Variants in SPAG16 observed in about 807,000 individuals in gnomAD.
SPAG16 encodes sperm-associated antigen 16 protein.
SPAG16 carries 86 observed loss-of-function variants against 80.4 expected under a neutral mutation model. The ratio of observed to expected loss-of-function variants is 1.07; its 90% CI spans 0.90 to 1.28. The LOEUF (loss-of-function observed/expected upper bound fraction) is 1.28, where lower values mean the gene tolerates loss of function less well. SPAG16 is among the 50% of genes most tolerant of loss of function. The pLI is 0.00. For missense variants in SPAG16, 870 were observed against 765.3 expected (o/e 1.14, Z -1.61); for synonymous variants, 294 against 265.9 (o/e 1.11, Z -1.03).
intron 13 of SPAG16, among the ~76,000 whole-genome samples, chr2:214,096,166 T>C (rs2052574517): frequency 6.6e-6 from 1 of 152,068 alleles, no homozygotes; most frequent in Non-Finnish European, 1.5e-5. Flanking sequence ...AATATTTATT[T>C]GTATTGGTAT....
chr2:213,949,169 GTTTTTT>G (rs767648099), intron 12 of SPAG16, among the ~76,000 whole-genome samples: 5 of 56,740 alleles, frequency 8.8e-5, no homozygotes, highest in Admixed American at 2.7e-4. Context: ...AATTACAACA[GTTTTTT>G]TTTTTTTTTT....
intron 12 of SPAG16, among the ~76,000 whole-genome samples, chr2:213,987,905 A>G (rs2046094097): frequency 6.7e-6 from 1 of 149,252 alleles, no homozygotes; most frequent in Non-Finnish European, 1.5e-5. Context: ...TATAAATGTT[A>G]TATATTTATA....
At chr2:213,606,228 T>G (rs1379547335) in intron 10 of SPAG16, among the ~76,000 whole-genome samples, 2 of 152,226 alleles carry the variant, frequency 1.3e-5, no homozygotes, top group African/African-American at 4.8e-5. Flanking sequence ...CTTCCTAATG[T>G]TTGCTTTTTA....
chr2:213,353,610 C>A (rs2065458048), intron 7 of SPAG16, among the ~76,000 whole-genome samples: 4 of 152,190 alleles, frequency 2.6e-5, no homozygotes, highest in Admixed American at 2.0e-4. Context: ...TCATTTCCAA[C>A]TGGCCCCACT....
intron 13 of SPAG16, among the ~76,000 whole-genome samples, chr2:214,095,546 G>A (rs71428324): frequency 0.087 from 13,205 of 152,004 alleles, 736 homozygotes; most frequent in East Asian, 0.28. Context: ...GCGAAGGAAA[G>A]CCACCTATTA....
intron 11 of SPAG16, among the ~76,000 whole-genome samples, chr2:213,884,008 C>T (rs991530258): frequency 3.3e-5 from 5 of 152,192 alleles, no homozygotes; most frequent in African/African-American, 7.2e-5. Context: ...CATTTACATT[C>T]GGGATTAGTA....
At chr2:213,343,116 A>G (rs1249658088) in intron 6 of SPAG16, among the ~76,000 whole-genome samples, 2 of 152,140 alleles carry the variant, frequency 1.3e-5, no homozygotes, top group Non-Finnish European at 1.5e-5. Flanking sequence ...GGATGAGAGA[A>G]CATGAAGCCT....
chr2:213,719,089 T>G (rs1198070351), intron 10 of SPAG16, among the ~76,000 whole-genome samples: 5 of 151,896 alleles, frequency 3.3e-5, no homozygotes, highest in Admixed American at 2.0e-4. Context: ...GGTGAGGACG[T>G]GGAGAACCTT....
intron 5 of SPAG16, among the ~76,000 whole-genome samples, chr2:213,325,002 A>T (rs560194532): frequency 2.2e-4 from 34 of 151,898 alleles, no homozygotes; most frequent in Non-Finnish European, 4.3e-4. Flanking sequence ...ATTAAACATA[A>T]TTTTTTTTGC....
chr2:213,313,706 A>C lies in SPAG16; in HGVS notation c.399-3513A>C, dbSNP rs139259803. On this transcript the variant is annotated intron_variant, in intron 4 of 15. Coordinates refer to ENST00000331683, the MANE Select transcript of SPAG16 (RefSeq NM_024532.5). ...CAGAAAATATTAATTTAGAATTCAA[A>C]TTTGTGCCTATTTTCTATATTGGTT... is the stretch of plus-strand genomic sequence containing the variant. 6.5e-3 allele frequency among the ~76,000 whole-genome samples: 991 copies of C among 151,996 alleles called. 16 individuals carry two copies. The highest frequency in any genetic ancestry group is 0.023 in the African/African-American group (941 of 41,524).
rs80140178 is a variant in SPAG16 at position 214,046,234 on chromosome 2, G to A, written c.1527+32157G>A. ...AAACTCTCCCAGCAAAGAAAGTCCA[G>A]GACTCAATGCCTTCACTGATAAATT... On this transcript the variant is annotated intron_variant, in intron 13 of 15. Transcript: ENST00000331683. Among the ~76,000 whole-genome samples the A allele has an allele frequency of 9.0e-3, 1,368 of 152,020 alleles. 20 individuals are homozygous for A. The highest frequency in any genetic ancestry group is 0.032 in the African/African-American group (1,311 of 41,478).
At chr2:213,508,002 C>G (rs534994311) in intron 10 of SPAG16, among the ~76,000 whole-genome samples, 10 of 152,302 alleles carry the variant, frequency 6.6e-5, no homozygotes, top group African/African-American at 2.4e-4. Context: ...TTTAAGCTCA[C>G]TAAATTGAAA....
intron 9 of SPAG16, among the ~76,000 whole-genome samples, chr2:213,404,039 T>C (rs1575496545): frequency 6.6e-6 from 1 of 152,130 alleles, no homozygotes; most frequent in East Asian, 1.9e-4. Flanking sequence ...TAAAAACCAC[T>C]GCTCAAGGAA....
chr2:213,619,517 A>G (rs939665577), intron 10 of SPAG16, among the ~76,000 whole-genome samples: 8 of 152,206 alleles, frequency 5.3e-5, no homozygotes, highest in African/African-American at 1.9e-4. Context: ...GTATGAATAG[A>G]CATTCCTCAA....
At chr2:213,682,001 C>A (rs2064413832) in intron 10 of SPAG16, among the ~76,000 whole-genome samples, 1 of 152,170 alleles carries the variant, frequency 6.6e-6, no homozygotes, top group South Asian at 2.1e-4. Context: ...TCCTCTGGCA[C>A]CTTTAGGGAT....
chr2:214,352,007 G>A (rs1320186562), intron 15 of SPAG16, among the ~76,000 whole-genome samples: 1 of 152,088 alleles, frequency 6.6e-6, no homozygotes, highest in Non-Finnish European at 1.5e-5. Flanking sequence ...GTGTTGGTGA[G>A]GGCACATTTC....
intron 12 of SPAG16, among the ~76,000 whole-genome samples, chr2:213,942,022 A>G (rs1002920310): frequency 1.3e-5 from 2 of 152,162 alleles, no homozygotes; most frequent in African/African-American, 4.8e-5. Flanking sequence ...GGTATTAATA[A>G]TTAATTGTTT....
At chr2:213,524,625 C>G (rs1474360734) in intron 10 of SPAG16, among the ~76,000 whole-genome samples, 1 of 152,224 alleles carries the variant, frequency 6.6e-6, no homozygotes, top group African/African-American at 2.4e-5. Context: ...GACATGGAGT[C>G]AAAGGAGATC....
At chr2:213,798,723 G>C (rs2125630887) in intron 10 of SPAG16, among the ~76,000 whole-genome samples, 1 of 152,176 alleles carries the variant, frequency 6.6e-6, no homozygotes, top group East Asian at 1.9e-4. Flanking sequence ...CTTATGTTTA[G>C]GTCCGTGATC....
Sources: gnomAD v4.1 joint callset for allele counts (sites outside exome capture counted in the v4.1 genomes callset) on GRCh38, gnomAD v4.1.1 for gene constraint, MANE v1.5 for transcripts, NCBI Gene and HGNC (gene_info 2026-07-23, HGNC 2026-07-21) for gene names.